Variants in NME7 observed in about 807,000 individuals in gnomAD.
The protein encoded by NME7 is nucleoside diphosphate kinase 7.
A neutral mutation model predicts 49.1 loss-of-function variants in NME7; 41 were observed. The observed-to-expected ratio is 0.83, with a 90% CI of 0.65 to 1.08. The LOEUF (loss-of-function observed/expected upper bound fraction) is 1.08, where lower values mean the gene tolerates loss of function less well. Ranked by LOEUF, NME7 falls within the 50% of genes least tolerant of loss-of-function variation. NME7 has a pLI of 0.00. For synonymous variants in NME7, 139 were observed against 150.6 expected, an observed-to-expected ratio of 0.92 and a Z score of 0.56; for missense variants, 423 against 463.4, an observed-to-expected ratio of 0.91 and a Z score of 0.80.
chr1:169,221,531 C>A (rs1245239101), intron 10 of NME7, among the ~76,000 whole-genome samples: 1 of 152,050 alleles, frequency 6.6e-6, no homozygotes, highest in Non-Finnish European at 1.5e-5. Flanking sequence ...ATCAGCATGG[C>A]TGGCTTTTTC....
intron 10 of NME7, among the ~76,000 whole-genome samples, chr1:169,201,871 G>C (rs919653139): frequency 6.6e-6 from 1 of 152,088 alleles, no homozygotes; most frequent in African/African-American, 2.4e-5. Context: ...AAAGTGGATA[G>C]AATTATCAAA....
At chr1:169,297,088 C>G (rs1425880391) in intron 6 of NME7, among the ~76,000 whole-genome samples, 1 of 152,064 alleles carries the variant, frequency 6.6e-6, no homozygotes, top group African/African-American at 2.4e-5. Flanking sequence ...ATTCTCCCAC[C>G]TTAGCCTCTG....
At chr1:169,242,847 G>C (rs1648150121) in intron 7 of NME7, among the ~76,000 whole-genome samples, 1 of 151,734 alleles carries the variant, frequency 6.6e-6, no homozygotes, top group Admixed American at 6.6e-5. Context: ...AATTGGGTGT[G>C]AATCTAACCA....
At chr1:169,316,455 C>T (rs956728944) in intron 3 of NME7, among the ~76,000 whole-genome samples, 1 of 152,026 alleles carries the variant, frequency 6.6e-6, no homozygotes, top group Non-Finnish European at 1.5e-5. Context: ...ATAACACTAC[C>T]CCTCAAAAAT....
intron 7 of NME7, among the ~76,000 whole-genome samples, chr1:169,252,633 G>A (rs1029966800): frequency 6.6e-5 from 10 of 152,106 alleles, no homozygotes; most frequent in African/African-American, 1.9e-4. Flanking sequence ...TGAAGTCGTC[G>A]CCTATGCCTA....
chr1:169,319,960 T>C (rs1434260551), intron 3 of NME7, among the ~76,000 whole-genome samples: 1 of 152,186 alleles, frequency 6.6e-6, no homozygotes, highest in Non-Finnish European at 1.5e-5. Context: ...ATAAACTTCT[T>C]ACTAAAGATA....
intron 1 of NME7, among the ~76,000 whole-genome samples, chr1:169,346,370 A>G (rs1652950993): frequency 6.6e-6 from 1 of 152,124 alleles, no homozygotes; most frequent in African/African-American, 2.4e-5. Flanking sequence ...TGCCTTAGCC[A>G]CACTGTTTCT....
At chr1:169,254,929 T>C (rs1480746744) in intron 7 of NME7, among the ~76,000 whole-genome samples, 1 of 131,788 alleles carries the variant, frequency 7.6e-6, no homozygotes, top group South Asian at 2.3e-4. Flanking sequence ...GTGTGAGAGA[T>C]AGTTTGTTAT....
rs1650801833 is a variant in NME7, at chr1:169,298,565, A to G, written c.639T>C (p.Ser213=). 6.2e-7 allele frequency: 1 copy of G among 1,613,772 alleles called. No homozygotes were observed. Among genetic ancestry groups the G allele is most frequent in the Non-Finnish European group, 8.5e-7 (1 of 1,179,820 alleles). ...NAAHGPDSFA[S]AAREMELFFP... The stretch of plus-strand genomic sequence containing the variant: ...TTTTAAAACACCTTACTCTGGCCGC[A>G]GAAGCAAAAGAATCAGGGCCATGCG... The change falls in exon 6 of 12, where the codon TCT becomes TCC. Residue 213 remains serine (S), a synonymous_variant. Transcript: ENST00000367811.
At chr1:169,360,837 G>A (rs1031837072) in intron 1 of NME7, among the ~76,000 whole-genome samples, 5 of 144,254 alleles carry the variant, frequency 3.5e-5, no homozygotes, top group Non-Finnish European at 6.1e-5. Context: ...GTCATCATTC[G>A]TTTATTTATT....
chr1:169,196,990 G>A (rs1660398117), intron 10 of NME7, among the ~76,000 whole-genome samples: 1 of 152,140 alleles, frequency 6.6e-6, no homozygotes, highest in South Asian at 2.1e-4. Flanking sequence ...TGATAGAGTA[G>A]CCAGAGTACA....
chr1:169,275,410 C>T lies in NME7; in HGVS notation c.754+11893G>A, dbSNP rs536437706. ...AGGAGAATGGCGTGAACCCGGGAGG[C>T]GGAGCTTGCAGTGAGTCGAGATCGC... On this transcript the variant is annotated intron_variant, in intron 7 of 11. Coordinates refer to ENST00000367811, the MANE Select transcript of NME7 (RefSeq NM_013330.5). 2.0e-3 allele frequency among the ~76,000 whole-genome samples: 217 copies of T among 107,758 alleles called. 16 individuals carry two copies. Among genetic ancestry groups the T allele is most frequent in the African/African-American group, 6.4e-3 (202 of 31,430 alleles). The allele number at this position is 107,758 out of a possible 152,430, so 70.7% of individuals were successfully genotyped here. A position where few individuals can be genotyped will look rare whatever the true frequency, so the allele number is the denominator to read the frequency against.
intron 11 of NME7, among the ~76,000 whole-genome samples, chr1:169,136,657 C>T (rs2101804169): frequency 6.6e-6 from 1 of 152,352 alleles, no homozygotes; most frequent in African/African-American, 2.4e-5. Context: ...ACATATTCAA[C>T]ATATCCAACG....
intron 1 of NME7, among the ~76,000 whole-genome samples, chr1:169,338,633 CA>C (rs1421716090): frequency 6.6e-6 from 1 of 152,178 alleles, no homozygotes. Flanking sequence ...AACAATGCCA[CA>C]CACCATCTAT....
intron 10 of NME7, among the ~76,000 whole-genome samples, chr1:169,227,035 C>A (rs1413526318): frequency 6.6e-6 from 1 of 152,116 alleles, no homozygotes; most frequent in Non-Finnish European, 1.5e-5. Context: ...TTCTAGTCAT[C>A]TTTTTTATGC....
rs915509960 is a variant in NME7, at chr1:169,186,140, T to C, written c.991-16586A>G. The stretch of plus-strand genomic sequence containing the variant: ...ACAGGAAGACCAACCAGAATTTACA[T>C]TGGGGAATTGTAATAAAATTAGAGT... On this transcript the variant is annotated intron_variant, in intron 10 of 11. Coordinates refer to ENST00000367811, the MANE Select transcript of NME7 (RefSeq NM_013330.5). Among the ~76,000 whole-genome samples the C allele has an allele frequency of 2.6e-4, 39 of 152,198 alleles. 1 individual carries two copies. Among genetic ancestry groups the C allele is most frequent in the Non-Finnish European group, 4.7e-4 (32 of 67,972 alleles).
chr1:169,182,591 T>C (rs1356349328), intron 10 of NME7, among the ~76,000 whole-genome samples: 2 of 152,210 alleles, frequency 1.3e-5, no homozygotes, highest in African/African-American at 2.4e-5. Context: ...CACCTTCACA[T>C]CTTGTTTAGG....
intron 1 of NME7, among the ~76,000 whole-genome samples, chr1:169,335,162 G>A (rs1652411043): frequency 6.6e-6 from 1 of 152,136 alleles, no homozygotes; most frequent in Non-Finnish European, 1.5e-5. Flanking sequence ...ATTCCTCAAG[G>A]ATTTAGAACC....
chr1:169,313,212 A>G (rs1259261930), intron 3 of NME7, among the ~76,000 whole-genome samples: 1 of 151,796 alleles, frequency 6.6e-6, no homozygotes, highest in Non-Finnish European at 1.5e-5. Context: ...AAAGTGAAAA[A>G]AAAAAAAAAA....
Sources: allele counts gnomAD v4.1 joint callset (sites outside exome capture counted in the v4.1 genomes callset), GRCh38; gene constraint gnomAD v4.1.1; transcripts MANE v1.5; gene names NCBI Gene and HGNC (gene_info 2026-07-23, HGNC 2026-07-21).